ADGRL3: variants seen among roughly 807,000 people sequenced by gnomAD.
The protein encoded by ADGRL3 is adhesion G protein-coupled receptor L3, also known as calcium-independent alpha-latrotoxin receptor 3.
In ADGRL3, 62 loss-of-function variants were observed where a neutral mutation model predicts 153.5. The observed-to-expected ratio is 0.40, with a 90% CI of 0.33 to 0.50. ADGRL3 has a LOEUF of 0.50. ADGRL3 is among the 20% of genes least tolerant of loss of function. ADGRL3 has a pLI of 0.47. For missense variants in ADGRL3, 1,641 were observed against 1,859.4 expected (o/e 0.88, Z 2.16); for synonymous variants, 710 against 672.5 (o/e 1.06, Z -0.86).
At chr4:61,337,588 T>C (rs957646583) in intron 1 of ADGRL3, among the ~76,000 whole-genome samples, 5 of 152,182 alleles carry the variant, frequency 3.3e-5, no homozygotes, top group African/African-American at 1.2e-4. Flanking sequence ...TCTTGAAATC[T>C]TTGACTCCAG....
chr4:61,711,300 T>C (rs1324765938), intron 6 of ADGRL3, among the ~76,000 whole-genome samples: 4 of 151,544 alleles, frequency 2.6e-5, no homozygotes, highest in Non-Finnish European at 5.9e-5. Context: ...GCACTAGTTA[T>C]AAATGATGTT....
intron 1 of ADGRL3, among the ~76,000 whole-genome samples, chr4:61,374,108 T>C (rs2096574502): frequency 6.6e-6 from 1 of 152,176 alleles, no homozygotes; most frequent in Non-Finnish European, 1.5e-5. Context: ...TTCAGTTATC[T>C]AGGATCTTGT....
At chr4:61,677,352 C>A in intron 6 of ADGRL3, 1 of 389,554 alleles carries the variant, frequency 2.6e-6, no homozygotes, top group Non-Finnish European at 4.9e-6. Context: ...CATCTGCTGT[C>A]AACATTTTGA....
intron 21 of ADGRL3, among the ~76,000 whole-genome samples, chr4:62,012,502 A>AGCT (rs2099191361): frequency 6.6e-6 from 1 of 152,208 alleles, no homozygotes; most frequent in Non-Finnish European, 1.5e-5. Context: ...CAAACCTCAG[A>AGCT]GCTAGTTAGT....
chr4:61,779,490 C>A (rs781314789), intron 8 of ADGRL3, among the ~76,000 whole-genome samples: 3 of 151,380 alleles, frequency 2.0e-5, no homozygotes, highest in Admixed American at 1.3e-4. Context: ...AAAAATTAGC[C>A]GGGCATGGTG....
intron 2 of ADGRL3, among the ~76,000 whole-genome samples, chr4:61,392,415 G>A (rs1193692105): frequency 2.6e-5 from 4 of 150,980 alleles, no homozygotes; most frequent in Admixed American, 2.0e-4. Context: ...CGCCGGGTGC[G>A]GTGGCTCACG....
At chr4:61,269,550 T>A (rs901894522) in intron 1 of ADGRL3, among the ~76,000 whole-genome samples, 1 of 151,694 alleles carries the variant, frequency 6.6e-6, no homozygotes, top group East Asian at 1.9e-4. Flanking sequence ...GATTTGTGAT[T>A]TTTTTGGAAA....
At chr4:61,666,488 A>C (rs1369447153) in intron 5 of ADGRL3, among the ~76,000 whole-genome samples, 1 of 152,028 alleles carries the variant, frequency 6.6e-6, no homozygotes, top group Non-Finnish European at 1.5e-5. Context: ...TCAGAAAAGA[A>C]AAGAATGCCT....
At chr4:61,676,349 C>G in intron 5 of ADGRL3, among the ~76,000 whole-genome samples, 1 of 151,838 alleles carries the variant, frequency 6.6e-6, no homozygotes. Context: ...ATTTGTTAGG[C>G]TCAGATAAAG....
chr4:61,517,610 T>C, intron 4 of ADGRL3, 92 bp downstream of exon 4: 1 of 667,208 alleles, frequency 1.5e-6, no homozygotes, highest in Non-Finnish European at 2.7e-6. Flanking sequence ...ATGTGTCTTC[T>C]TGTAAGTTTA....
intron 2 of ADGRL3, among the ~76,000 whole-genome samples, chr4:61,424,884 C>G: frequency 6.6e-6 from 1 of 152,124 alleles, no homozygotes; most frequent in African/African-American, 2.4e-5. Flanking sequence ...GCAGCACTTG[C>G]AAAAAGTGGG....
At chr4:61,659,163 A>G (rs911965262) in intron 5 of ADGRL3, among the ~76,000 whole-genome samples, 5 of 152,122 alleles carry the variant, frequency 3.3e-5, no homozygotes, top group African/African-American at 4.8e-5. Flanking sequence ...TTATAAGGAC[A>G]CTGGTAAAAT....
chr4:61,255,325 T>C (rs2149488284), intron 1 of ADGRL3, among the ~76,000 whole-genome samples: 1 of 152,338 alleles, frequency 6.6e-6, no homozygotes, highest in Admixed American at 6.5e-5. Context: ...TTGGTCTTCT[T>C]ATGAAATAGT....
intron 1 of ADGRL3, among the ~76,000 whole-genome samples, chr4:61,271,845 ATTCTCT>A (rs2093200394): frequency 6.6e-6 from 1 of 152,002 alleles, no homozygotes; most frequent in Non-Finnish European, 1.5e-5. Flanking sequence ...ATAAATCTTC[ATTCTCT>A]TTATAGAATG....
chr4:62,011,210 C>G (rs1055351716), intron 21 of ADGRL3, among the ~76,000 whole-genome samples: 3 of 152,036 alleles, frequency 2.0e-5, no homozygotes, highest in Non-Finnish European at 2.9e-5. Context: ...TAAAGATTAA[C>G]AAGATAAATG....
chr4:61,497,034 T>A (rs2098327808), intron 2 of ADGRL3, 87 bp from the exon 3 acceptor site: 1 of 408,990 alleles, frequency 2.4e-6, no homozygotes, highest in East Asian at 5.1e-5. Context: ...GATATTAACA[T>A]GATGGCAATA....
chr4:61,530,458 G>A (rs560144240), intron 4 of ADGRL3, among the ~76,000 whole-genome samples: 2 of 152,066 alleles, frequency 1.3e-5, no homozygotes, highest in South Asian at 4.1e-4. Flanking sequence ...AAGAGTACTT[G>A]TTTCAGCTCT....
At chr4:61,390,080 C>T (rs771318002) in intron 2 of ADGRL3, among the ~76,000 whole-genome samples, 1 of 152,164 alleles carries the variant, frequency 6.6e-6, no homozygotes. Context: ...GTGTGTATAG[C>T]TTTTCTCACT....
chr4:61,936,337 C>T (rs1328603935), intron 15 of ADGRL3, among the ~76,000 whole-genome samples: 3 of 152,092 alleles, frequency 2.0e-5, no homozygotes, highest in African/African-American at 7.2e-5. Context: ...GATCTGACAT[C>T]TTTCCTCAAA....
Sources: allele counts gnomAD v4.1 joint callset (sites outside exome capture counted in the v4.1 genomes callset), GRCh38; gene constraint gnomAD v4.1.1; transcripts MANE v1.5; gene names NCBI Gene and HGNC (gene_info 2026-07-23, HGNC 2026-07-21).